The following LAMA2 variants were observed in gnomAD, a reference collection of about 807,000 sequenced individuals.
The protein encoded by LAMA2 is laminin subunit alpha-2.
LAMA2 carries 269 observed loss-of-function variants against 364.8 expected under a neutral mutation model. The ratio of observed to expected loss-of-function variants is 0.74; its 90% CI spans 0.67 to 0.82. The LOEUF (loss-of-function observed/expected upper bound fraction) is 0.82. Among genes scored for constraint, LAMA2 ranks in the 40% least tolerant of loss-of-function variants. LAMA2 has a pLI of 0.00. For synonymous variants in LAMA2, 1,379 were observed against 1,370.6 expected, an observed-to-expected ratio of 1.01 and a Z score of -0.14; for missense variants, 3,807 against 3,873.2, an observed-to-expected ratio of 0.98 and a Z score of 0.45.
intron 1 of LAMA2, among the ~76,000 whole-genome samples, chr6:128,883,821 CACACACACACACACAT>C (rs1488708056): frequency 1.4e-5 from 2 of 141,834 alleles, no homozygotes; most frequent in African/African-American, 2.9e-5. Flanking sequence ...CACACACACA[CACACACACACACACAT>C]ATATATATAT....
At chr6:128,986,694 G>T (rs1218610490) in intron 1 of LAMA2, among the ~76,000 whole-genome samples, 1 of 151,760 alleles carries the variant, frequency 6.6e-6, no homozygotes, top group Non-Finnish European at 1.5e-5. Context: ...TATTTATAAA[G>T]CATCCCACTA....
intron 1 of LAMA2, among the ~76,000 whole-genome samples, chr6:129,034,041 C>T (rs185433584): frequency 6.6e-6 from 1 of 152,052 alleles, no homozygotes; most frequent in East Asian, 1.9e-4. Context: ...ATTGTAAAGA[C>T]TGAAAATGAT....
chr6:129,073,962 A>T (rs1188852226), intron 3 of LAMA2, among the ~76,000 whole-genome samples: 1 of 152,168 alleles, frequency 6.6e-6, no homozygotes, highest in Non-Finnish European at 1.5e-5. Flanking sequence ...TCTTAAAATG[A>T]TTTATTTTCA....
At chr6:129,387,441 T>G (rs1583631245) in intron 35 of LAMA2, among the ~76,000 whole-genome samples, 1 of 152,328 alleles carries the variant, frequency 6.6e-6, no homozygotes, top group South Asian at 2.1e-4. Context: ...GTAGAAACAC[T>G]TTTACACTGT....
chr6:129,091,070 G>A (rs185509794), intron 3 of LAMA2, among the ~76,000 whole-genome samples: 9 of 151,814 alleles, frequency 5.9e-5, no homozygotes, highest in East Asian at 1.9e-4. Context: ...TAATCAAGTC[G>A]TTCAGCACTA....
At chr6:129,358,478 G>A (rs1039291948) in intron 32 of LAMA2, among the ~76,000 whole-genome samples, 2 of 151,950 alleles carry the variant, frequency 1.3e-5, no homozygotes, top group African/African-American at 4.8e-5. Flanking sequence ...GACCTTGAAA[G>A]ACAAACTAAA....
chr6:129,173,174 A>G (rs1400447525), intron 9 of LAMA2, among the ~76,000 whole-genome samples: 6 of 152,166 alleles, frequency 3.9e-5, no homozygotes, highest in Non-Finnish European at 7.4e-5. Context: ...AGCTGTTCCT[A>G]TTGGGCCATG....
At chr6:128,916,637 T>C (rs988872455) in intron 1 of LAMA2, among the ~76,000 whole-genome samples, 8 of 152,214 alleles carry the variant, frequency 5.3e-5, no homozygotes, top group African/African-American at 1.9e-4. Context: ...TAGTGCTCCA[T>C]GGTTCTTTCC....
chr6:128,985,501 G>A (rs1283567959), intron 1 of LAMA2, among the ~76,000 whole-genome samples: 2 of 151,838 alleles, frequency 1.3e-5, no homozygotes, highest in African/African-American at 4.8e-5. Context: ...TGACACACAA[G>A]AACAAAACAA....
At chr6:129,221,003 A>T (rs1562346221) in intron 12 of LAMA2, among the ~76,000 whole-genome samples, 1 of 152,046 alleles carries the variant, frequency 6.6e-6, no homozygotes, top group Non-Finnish European at 1.5e-5. Flanking sequence ...CTCTACTAAA[A>T]ATACAAAAAT....
chr6:129,275,292 T>G (rs527586210), intron 17 of LAMA2, among the ~76,000 whole-genome samples: 1 of 152,134 alleles, frequency 6.6e-6, no homozygotes, highest in African/African-American at 2.4e-5. Context: ...TGGGAGATTA[T>G]GATGGGTCTT....
chr6:128,904,093 A>T (rs564448992), intron 1 of LAMA2, among the ~76,000 whole-genome samples: 3 of 152,322 alleles, frequency 2.0e-5, no homozygotes, highest in African/African-American at 7.2e-5. Context: ...CGCCCAGGAC[A>T]TATATACACT....
chr6:128,935,705 T>A (rs1211056298), intron 1 of LAMA2, among the ~76,000 whole-genome samples: 2 of 152,222 alleles, frequency 1.3e-5, no homozygotes, highest in Non-Finnish European at 2.9e-5. Flanking sequence ...GTTTAGGGTT[T>A]CCTTCATATA....
intron 46 of LAMA2, 123 bp downstream of exon 46, chr6:129,453,254 T>G (rs1782780218): frequency 1.1e-6 from 1 of 906,312 alleles, no homozygotes; most frequent in African/African-American, 1.6e-5. Flanking sequence ...GCTTTCAGAT[T>G]TGAAAACCTC....
intron 6 of LAMA2, among the ~76,000 whole-genome samples, chr6:129,147,898 G>A (rs1175461287): frequency 6.6e-6 from 1 of 151,840 alleles, no homozygotes; most frequent in Non-Finnish European, 1.5e-5. Flanking sequence ...TTTCTGCCTG[G>A]TATGGGTGCT....
In LAMA2 at chr6:129,481,358, C is replaced by G; in HGVS notation, c.7668C>G (p.Thr2556=). The G allele has an allele frequency of 6.2e-7, 1 of 1,613,442 alleles. No individual in the cohort carries two copies. Residue 2556 remains threonine, a synonymous_variant, in exon 55 of 65, where the codon ACC becomes ACG. Coordinates refer to ENST00000421865, the MANE Select transcript of LAMA2 (RefSeq NM_000426.4). ...VGTEINLSFS[T]KNESGIILLG... is the part of the protein sequence containing the mutation. Reference sequence around the variant, plus strand: ...CAGAAATCAACCTGTCATTCAGCACCAAGAATGAGTCCGGCATCATTCTTT... The same window carrying G: ...CAGAAATCAACCTGTCATTCAGCACGAAGAATGAGTCCGGCATCATTCTTT...
At chr6:129,268,922 T>C (rs10499154) in intron 16 of LAMA2, among the ~76,000 whole-genome samples, 3,040 of 152,192 alleles carry the variant, frequency 0.02, 47 homozygotes, top group Middle Eastern at 0.034. Flanking sequence ...TGGGTTCTGA[T>C]ACAATACACA....
chr6:128,910,903 G>A (rs1165400495), intron 1 of LAMA2, among the ~76,000 whole-genome samples: 3 of 151,612 alleles, frequency 2.0e-5, no homozygotes, highest in Admixed American at 6.6e-5. Context: ...GCCATGTGAG[G>A]TGTCAGTGTG....
Position 129,451,694 on chromosome 6 carries a change from T to C in LAMA2, c.6430-1294T>C, listed in dbSNP as rs548285848. On this transcript the variant is annotated intron_variant, in intron 45 of 64. Coordinates refer to ENST00000421865, the MANE Select transcript of LAMA2 (RefSeq NM_000426.4). ...TCTCAAATCTATATGAATTTACCTA[T>C]TGCAAAAATCCCTCTTTAGCCTTCT... 9.3e-4 allele frequency among the ~76,000 whole-genome samples: 142 copies of C among 152,304 alleles called. 1 individual carries two copies. Among genetic ancestry groups the C allele is most frequent in the African/African-American group, 3.3e-3 (137 of 41,570 alleles).
Sources: allele counts gnomAD v4.1 joint callset (sites outside exome capture counted in the v4.1 genomes callset), GRCh38; gene constraint gnomAD v4.1.1; transcripts MANE v1.5; gene names NCBI Gene and HGNC (gene_info 2026-07-23, HGNC 2026-07-21).